Variants in FRYL observed in about 807,000 individuals in gnomAD.
FRYL encodes FRY like transcription coactivator, also known as protein furry homolog-like.
Under a neutral mutation model 351.2 loss-of-function variants are expected in FRYL, and 150 were observed. That is an observed-to-expected ratio of 0.43 (90% CI 0.37 to 0.49). The LOEUF is 0.49. Ranked by LOEUF, FRYL falls within the 20% of genes least tolerant of loss-of-function variation. The pLI is 0.00. For missense variants in FRYL, 3,036 were observed against 3,619.3 expected, an observed-to-expected ratio of 0.84 and a Z score of 4.13; for synonymous variants, 1,153 against 1,257.1, an observed-to-expected ratio of 0.92 and a Z score of 1.75.
intron 3 of FRYL, among the ~76,000 whole-genome samples, chr4:48,682,273 T>G (rs189763365): frequency 6.6e-6 from 1 of 151,972 alleles, no homozygotes; most frequent in Non-Finnish European, 1.5e-5. Context: ...AAATTAACTC[T>G]AGATGGATTA....
At chr4:48,692,581 C>T (rs903518028) in intron 2 of FRYL, among the ~76,000 whole-genome samples, 1 of 152,056 alleles carries the variant, frequency 6.6e-6, no homozygotes, top group Non-Finnish European at 1.5e-5. Context: ...TTAGTAGAGC[C>T]AAAGTTTTGC....
intron 1 of FRYL, among the ~76,000 whole-genome samples, chr4:48,744,366 GGAAA>G (rs1476098792): frequency 1.3e-5 from 2 of 151,844 alleles, no homozygotes; most frequent in Non-Finnish European, 2.9e-5. Flanking sequence ...AAGAAAAGAA[GGAAA>G]GAAAGCCAGT....
chr4:48,767,578 A>G (rs1420636432), intron 1 of FRYL, among the ~76,000 whole-genome samples: 1 of 152,254 alleles, frequency 6.6e-6, no homozygotes, highest in African/African-American at 2.4e-5. Context: ...CGAATACTGC[A>G]TGATCTCACT....
chr4:48,647,894 A>G (rs1756855644), intron 3 of FRYL, among the ~76,000 whole-genome samples: 1 of 152,324 alleles, frequency 6.6e-6, no homozygotes, highest in East Asian at 1.9e-4. Flanking sequence ...TATGACCAAC[A>G]TTAACTCTCA....
chr4:48,609,995 T>C (rs1282592552), intron 7 of FRYL, among the ~76,000 whole-genome samples, 172 bp from the exon 8 acceptor site: 1 of 152,210 alleles, frequency 6.6e-6, no homozygotes, highest in Non-Finnish European at 1.5e-5. Context: ...ATTTGGTTAC[T>C]CATCAAATTT....
chr4:48,609,666 A>G (rs775326279), intron 8 of FRYL, 78 bp downstream of exon 8: 1 of 646,086 alleles, frequency 1.5e-6, no homozygotes, highest in Non-Finnish European at 2.6e-6. Context: ...CTCTCAAACA[A>G]ATGATCAGTA....
chr4:48,660,771 T>C (rs765320462), intron 3 of FRYL, among the ~76,000 whole-genome samples: 1 of 152,190 alleles, frequency 6.6e-6, no homozygotes. Context: ...TGGCACTTAA[T>C]CTGTATTCTT....
At chr4:48,757,497 C>T (rs534364829) in intron 1 of FRYL, among the ~76,000 whole-genome samples, 25 of 152,140 alleles carry the variant, frequency 1.6e-4, no homozygotes, top group Non-Finnish European at 3.1e-4. Flanking sequence ...ACAATTGCTT[C>T]AAAGAGAATA....
At chr4:48,523,669 T>A (rs188735669) in intron 53 of FRYL, among the ~76,000 whole-genome samples, 9 of 152,374 alleles carry the variant, frequency 5.9e-5, no homozygotes, top group Non-Finnish European at 1.3e-4. Flanking sequence ...TCTTTTTTTA[T>A]GCAAAATATG....
intron 41 of FRYL, 189 bp downstream of exon 41, chr4:48,547,395 A>G: frequency 2.5e-6 from 1 of 406,306 alleles, no homozygotes; most frequent in Non-Finnish European, 4.4e-6. Flanking sequence ...GGTAATGCAG[A>G]CTCAAATATT....
chr4:48,659,424 A>G (rs866870526), intron 3 of FRYL, among the ~76,000 whole-genome samples: 201 of 2,936 alleles, frequency 0.068, 88 homozygotes, highest in Non-Finnish European at 0.18. Context: ...AAGGAGAAGG[A>G]GAAGAGGAAG....
intron 4 of FRYL, among the ~76,000 whole-genome samples, chr4:48,631,119 C>T (rs958766033): frequency 6.6e-6 from 1 of 152,128 alleles, no homozygotes; most frequent in Admixed American, 6.6e-5. Flanking sequence ...ACAAAGCTGG[C>T]ACTCTGCTCT....
chr4:48,778,108 GAT>G (rs1776218998), intron 1 of FRYL, among the ~76,000 whole-genome samples: 1 of 152,176 alleles, frequency 6.6e-6, no homozygotes, highest in Admixed American at 6.5e-5. Context: ...GGGGTGGGAG[GAT>G]CACTTGAACC....
chr4:48,632,772 T>C (rs112946728), intron 4 of FRYL, among the ~76,000 whole-genome samples: 3,578 of 152,202 alleles, frequency 0.024, 70 homozygotes, highest in Non-Finnish European at 0.033. Flanking sequence ...AGTAGTTTTC[T>C]CTACTTAATC....
In FRYL at chr4:48,582,745, C is replaced by A; in HGVS notation, c.1749-11G>T. 3 of 1,590,320 alleles carry A rather than the reference C, an allele frequency of 1.9e-6. No individual in the cohort carries two copies. Among genetic ancestry groups the A allele is most frequent in the Non-Finnish European group, 1.7e-6 (2 of 1,159,270 alleles). On this transcript the variant is annotated splice_polypyrimidine_tract_variant and intron_variant, in intron 19 of 63. Transcript: ENST00000358350. ...ATATGAATTGTGAGCCTACCAAGAACAAAATTCCATTAGCAAACTTCAATA... is the reference window on the plus strand; with the variant it reads ...ATATGAATTGTGAGCCTACCAAGAAAAAAATTCCATTAGCAAACTTCAATA...
At chr4:48,667,600 G>T (rs1761952928) in intron 3 of FRYL, among the ~76,000 whole-genome samples, 1 of 151,948 alleles carries the variant, frequency 6.6e-6, no homozygotes, top group African/African-American at 2.4e-5. Flanking sequence ...TATTCCAAGG[G>T]TTACAGAAAA....
At chr4:48,776,611 T>C (rs934548951) in intron 1 of FRYL, among the ~76,000 whole-genome samples, 2 of 152,166 alleles carry the variant, frequency 1.3e-5, no homozygotes, top group African/African-American at 4.8e-5. Flanking sequence ...AAGAGGATTT[T>C]ACAGGAGCAA....
chr4:48,586,274 A>G (rs1382015506), intron 19 of FRYL, among the ~76,000 whole-genome samples: 1 of 152,204 alleles, frequency 6.6e-6, no homozygotes, highest in African/African-American at 2.4e-5. Context: ...AGTAAACACA[A>G]TAATTAATTG....
At chr4:48,542,178 T>C in intron 44 of FRYL, 57 bp from the exon 45 acceptor site, 1 of 1,154,960 alleles carries the variant, frequency 8.7e-7, no homozygotes, top group Non-Finnish European at 1.3e-6. Context: ...GAAACTGCAA[T>C]GGACTTCCTA....
Sources: allele counts gnomAD v4.1 joint callset (sites outside exome capture counted in the v4.1 genomes callset), GRCh38; gene constraint gnomAD v4.1.1; transcripts MANE v1.5; gene names NCBI Gene and HGNC (gene_info 2026-07-23, HGNC 2026-07-21).